The following TBC1D16 variants were observed in gnomAD, a reference collection of about 807,000 sequenced individuals.
TBC1D16 encodes CTD-2529O21.1.
TBC1D16 carries 58 observed loss-of-function variants against 74.7 expected under a neutral mutation model. The ratio of observed to expected loss-of-function variants is 0.78; its 90% confidence interval spans 0.63 to 0.97. The LOEUF (loss-of-function observed/expected upper bound fraction) is 0.97, where lower values mean the gene tolerates loss of function less well. Among genes scored for constraint, TBC1D16 ranks in the 50% least tolerant of loss-of-function variants. The probability of loss-of-function intolerance (pLI) is 0.00; values close to 1 mark genes in which losing one functional copy is unlikely to be tolerated. For missense variants in TBC1D16, 1,014 were observed against 1,079.5 expected (o/e 0.94, Z 0.85); for synonymous variants, 493 against 474.7 (o/e 1.04, Z -0.50).
chr17:80,011,990 A>G (rs1040866859), intron 2 of TBC1D16, among the ~76,000 whole-genome samples: 1 of 151,772 alleles, frequency 6.6e-6, no homozygotes, highest in Non-Finnish European at 1.5e-5. Flanking sequence ...GGGAGGAGGG[A>G]TTTCTCCTGG....
At chr17:79,960,512 T>C (rs2033543767) in intron 3 of TBC1D16, among the ~76,000 whole-genome samples, 1 of 151,986 alleles carries the variant, frequency 6.6e-6, no homozygotes, top group Non-Finnish European at 1.5e-5. Flanking sequence ...TCCCAGCATT[T>C]TGGGAAGCTG....
Position 79,951,467 on chromosome 17 carries a change from T to C in TBC1D16, c.1072A>G (p.Met358Val). 6.2e-7 allele frequency: 1 copy of C among 1,613,652 alleles called. No homozygotes were observed. The highest frequency in any genetic ancestry group is 8.5e-7 in the Non-Finnish European group (1 of 1,179,832). The change falls in exon 5 of 12, where the codon ATG becomes GTG. Residue 358 changes from methionine (M) to valine (V), a missense_variant. Physicochemically the swap from Met to Val is conservative, Grantham distance 21. Transcript: ENST00000310924. ...VFQQWKYCTE[M>V]QLKDQQVAPD... ...TGGGCTACCTGGTCTTTGAGCTGCA[T>C]CTCGGTGCAGTATTTCCACTGCTGG...
At chr17:79,949,508 C>G (rs993229583) in intron 7 of TBC1D16, among the ~76,000 whole-genome samples, 2 of 152,232 alleles carry the variant, frequency 1.3e-5, no homozygotes, top group African/African-American at 4.8e-5. Flanking sequence ...TGTGAGCTAA[C>G]GAGCCCCGCA....
intron 1 of TBC1D16, among the ~76,000 whole-genome samples, chr17:80,015,763 C>T (rs1185930465): frequency 6.6e-6 from 1 of 152,044 alleles, no homozygotes; most frequent in Non-Finnish European, 1.5e-5. Flanking sequence ...GTAATCCCAG[C>T]ACTTTGGGAG....
rs2033269190 is a variant in TBC1D16 at position 79,954,992 on chromosome 17, A to C, written c.780-2174T>G. 6.6e-6 allele frequency among the ~76,000 whole-genome samples: 1 copy of C among 152,144 alleles called. No individual in the cohort carries two copies. The highest frequency in any genetic ancestry group is 1.5e-5 in the Non-Finnish European group (1 of 68,016). ...CCCTCCCTGCTGCCGTGGCCACAGAAGACTGGTCCCCTGGAGGGCCGGAGC... is the reference window on the plus strand; with the variant it reads ...CCCTCCCTGCTGCCGTGGCCACAGACGACTGGTCCCCTGGAGGGCCGGAGC... On this transcript the variant is annotated intron_variant, in intron 3 of 11. Coordinates refer to ENST00000310924, the MANE Select transcript of TBC1D16 (RefSeq NM_019020.4). This position sits in a 1 kb window ranked among gnomAD's most constrained non-coding sequence, Gnocchi z 5.5.
intron 4 of TBC1D16, 63 bp downstream of exon 4, chr17:79,952,594 C>A: frequency 6.5e-7 from 1 of 1,536,774 alleles, no homozygotes; most frequent in South Asian, 1.2e-5. Flanking sequence ...GCTGCAAAGC[C>A]CAGGCTGCCA....
In TBC1D16 at chr17:79,990,948, GTGTGTGGAACA is replaced by G. The variant is rs889533191; in HGVS notation, c.779+19201_779+19211del. Among the ~76,000 whole-genome samples the G allele has an allele frequency of 4.6e-5, 7 of 152,246 alleles. No homozygotes were observed. The highest frequency in any genetic ancestry group is 8.8e-5 in the Non-Finnish European group (6 of 68,052). On this transcript the variant is annotated intron_variant, in intron 3 of 11. Coordinates refer to ENST00000310924, the MANE Select transcript of TBC1D16 (RefSeq NM_019020.4). The surrounding 1 kb of genome is among the most constrained non-coding windows in gnomAD (Gnocchi z 4.8). ...CCCAAGGCTGAACGTTCCGCTGGGTGTGTGTGGAACATGTGTGTGAACACACCGCGTTTCTC... is the reference window on the plus strand; with the variant it reads ...CCCAAGGCTGAACGTTCCGCTGGGTGTGTGTGTGAACACACCGCGTTTCTC...
At chr17:79,945,783 G>A (rs1343999453) in intron 9 of TBC1D16, among the ~76,000 whole-genome samples, 1 of 152,254 alleles carries the variant, frequency 6.6e-6, no homozygotes, top group East Asian at 1.9e-4. Flanking sequence ...GACACCCGAC[G>A]TCACACACAC....
intron 1 of TBC1D16, among the ~76,000 whole-genome samples, chr17:80,017,099 C>T (rs573113437): frequency 1.3e-5 from 2 of 152,180 alleles, no homozygotes; most frequent in South Asian, 4.1e-4. Context: ...TTTTAGGCTC[C>T]CTCAACATGT....
rs988109294 is a variant in TBC1D16, at chr17:80,020,970, G to A, written c.-62-7361C>T. On this transcript the variant is annotated intron_variant, in intron 1 of 11. Transcript: ENST00000310924. ...CAGGAGCTCAAAACCAGCCTGGGCAGGGCCGGGCACGGTGGCTCACGCCTG... is the reference window on the plus strand; with the variant it reads ...CAGGAGCTCAAAACCAGCCTGGGCAAGGCCGGGCACGGTGGCTCACGCCTG... Among the ~76,000 whole-genome samples, 7 of 149,750 alleles carry A rather than the reference G, an allele frequency of 4.7e-5. No individual in the cohort carries two copies. In the East Asian group the frequency reaches 1.4e-3, roughly 29 times the overall value.
chr17:79,944,924 C>G lies in TBC1D16; in HGVS notation c.1892G>C (p.Cys631Ser). ...CCTGGTCACCTGGTAGTGGGCCCAG[C>G]AGGCCTCCCAGATCCGCAGCGCTTC... ...EAEALRIWEA[C>S]WAHYQTDYFH... Residue 631 changes from cysteine (C) to serine (S), a missense_variant, in exon 10 of 12, where the codon TGC (cysteine) becomes TCC (serine). Transcript: ENST00000310924. This position sits in a 1 kb window ranked among gnomAD's most constrained non-coding sequence, Gnocchi z 7.7. 6.4e-7 allele frequency: 1 copy of G among 1,551,174 alleles called. No homozygotes were observed. The highest frequency in any genetic ancestry group is 8.7e-7 in the Non-Finnish European group (1 of 1,147,340).
Position 79,940,688 on chromosome 17 carries a change from C to A in TBC1D16, c.*171G>T, listed in dbSNP as rs909008366. The A allele has an allele frequency of 1.2e-6, 1 of 816,484 alleles. No homozygotes were observed. Among genetic ancestry groups the A allele is most frequent in the African/African-American group, 1.7e-5 (1 of 57,502 alleles). 50.6% of individuals were successfully genotyped at this position (816,484 alleles called of 1,614,324 possible). On this transcript the variant is annotated 3_prime_UTR_variant, in exon 12 of 12. Transcript: ENST00000310924. This position sits in a 1 kb window ranked among gnomAD's most constrained non-coding sequence, Gnocchi z 5.4. Reference sequence around the variant, plus strand: ...GCTGTAGATCTGACTTCTGTCACTTCCAGACTCTAATTTTGTCATTAATAT... The same window carrying A: ...GCTGTAGATCTGACTTCTGTCACTTACAGACTCTAATTTTGTCATTAATAT...
chr17:79,959,962 CA>C (rs2033519447), intron 3 of TBC1D16, among the ~76,000 whole-genome samples: 1 of 148,488 alleles, frequency 6.7e-6, no homozygotes, highest in African/African-American at 2.5e-5. Flanking sequence ...ATATAGTCAA[CA>C]AAAAACTTGT....
chr17:79,942,281 CCAGGGTGCGAGTG>C, intron 10 of TBC1D16, 75 bp from the exon 11 acceptor site: 4 of 1,477,736 alleles, frequency 2.7e-6, no homozygotes, highest in Non-Finnish European at 3.7e-6. Flanking sequence ...AAACTGAGTG[CCAGGGTGCGAGTG>C]AGGGCTCCAG....
At chr17:79,963,444 TA>T (rs1270028629) in intron 3 of TBC1D16, among the ~76,000 whole-genome samples, 1 of 152,200 alleles carries the variant, frequency 6.6e-6, no homozygotes, top group Non-Finnish European at 1.5e-5. Context: ...TATGGCTGAA[TA>T]ATATTCCATT....
intron 3 of TBC1D16, among the ~76,000 whole-genome samples, chr17:79,958,200 G>T (rs973781994): frequency 6.7e-6 from 1 of 149,620 alleles, no homozygotes; most frequent in Non-Finnish European, 1.5e-5. Context: ...GGGGGAGAAA[G>T]AATATAAACT....
rs2033006578 is a variant in TBC1D16, at chr17:79,950,952, G to C, written c.1090-374C>G. On this transcript the variant is annotated intron_variant, in intron 5 of 11. Coordinates refer to ENST00000310924, the MANE Select transcript of TBC1D16 (RefSeq NM_019020.4). This position sits in a 1 kb window ranked among gnomAD's most constrained non-coding sequence, Gnocchi z 4.6. ...AAGGGATCGCTGTTCTGCGAGCAGG[G>C]AGCCAGCCTGTCAGATTGCCTCCGC... 1 of 1,133,444 alleles carries C rather than the reference G, an allele frequency of 8.8e-7. No individual in the cohort carries two copies. The highest frequency in any genetic ancestry group is 1.6e-5 in the African/African-American group (1 of 63,844). 70.2% of individuals were successfully genotyped at this position (1,133,444 alleles called of 1,614,324 possible).
At chr17:79,984,699 A>G (rs1258594871) in intron 3 of TBC1D16, among the ~76,000 whole-genome samples, 9 of 137,636 alleles carry the variant, frequency 6.5e-5, no homozygotes, top group Non-Finnish European at 1.4e-4. Flanking sequence ...GGAAAACAGT[A>G]AAGGCAAAAA....
At chr17:80,028,379 A>C (rs905747857) in intron 1 of TBC1D16, among the ~76,000 whole-genome samples, 1 of 151,950 alleles carries the variant, frequency 6.6e-6, no homozygotes, top group Admixed American at 6.6e-5. Context: ...AAATACAAAA[A>C]TTAGCTGAGC....
Sources: gnomAD v4.1 joint callset for allele counts (sites outside exome capture counted in the v4.1 genomes callset) on GRCh38, gnomAD v4.1.1 for gene constraint, Gnocchi (gnomAD v3.1) non-coding constraint, MANE v1.5 for transcripts, NCBI Gene and HGNC (gene_info 2026-07-23, HGNC 2026-07-21) for gene names.